The following TRABD2B variants were observed in gnomAD, a reference collection of about 807,000 sequenced individuals.
The protein encoded by TRABD2B is metalloprotease TIKI2.
Under a neutral mutation model 40.1 loss-of-function variants are expected in TRABD2B, and 14 were observed. The observed-to-expected ratio is 0.35, with a 90% CI of 0.23 to 0.55. TRABD2B has a LOEUF of 0.55. TRABD2B is among the 20% of genes least tolerant of loss of function. TRABD2B has a pLI of 0.90. For synonymous variants in TRABD2B, 263 were observed against 277.0 expected, an observed-to-expected ratio of 0.95 and a Z score of 0.50; for missense variants, 541 against 648.6, an observed-to-expected ratio of 0.83 and a Z score of 1.80.
At chr1:47,786,252 C>T (rs994899158) in intron 4 of TRABD2B, among the ~76,000 whole-genome samples, 1 of 152,120 alleles carries the variant, frequency 6.6e-6, no homozygotes, top group African/African-American at 2.4e-5. Flanking sequence ...GGTCCAAGCC[C>T]ATGCTTTTAA....
At chr1:47,965,742 T>C (rs971932242) in intron 2 of TRABD2B, among the ~76,000 whole-genome samples, 1 of 152,294 alleles carries the variant, frequency 6.6e-6, no homozygotes, top group African/African-American at 2.4e-5. Flanking sequence ...TTTAAGTCTA[T>C]GTTGAGTCTC....
chr1:47,890,371 C>G (rs905452997), intron 2 of TRABD2B, among the ~76,000 whole-genome samples: 3 of 152,156 alleles, frequency 2.0e-5, no homozygotes, highest in Non-Finnish European at 4.4e-5. Flanking sequence ...GTGGCAGGTA[C>G]AGTAACAGTA....
intron 2 of TRABD2B, among the ~76,000 whole-genome samples, chr1:47,971,835 C>T (rs145628735): frequency 1.3e-5 from 2 of 152,250 alleles, no homozygotes; most frequent in East Asian, 1.9e-4. Context: ...CCCACTCTCA[C>T]CCCAGATGAA....
intron 4 of TRABD2B, among the ~76,000 whole-genome samples, chr1:47,782,810 G>A (rs1304307506): frequency 1.3e-5 from 2 of 152,176 alleles, no homozygotes; most frequent in Admixed American, 1.3e-4. Flanking sequence ...CACCTATCCT[G>A]GAACCTGCAG....
At chr1:47,912,759 C>T (rs1644780222) in intron 2 of TRABD2B, among the ~76,000 whole-genome samples, 1 of 152,136 alleles carries the variant, frequency 6.6e-6, no homozygotes, top group South Asian at 2.1e-4. Context: ...TCTGTGTATG[C>T]TCAGCCTTGT....
rs1275907987 is a variant in TRABD2B at position 47,996,363 on chromosome 1, G to A, written c.102+325C>T. 1.3e-5 allele frequency among the ~76,000 whole-genome samples: 2 copies of A among 152,092 alleles called. No homozygotes were observed. Among genetic ancestry groups the A allele is most frequent in the Non-Finnish European group, 2.9e-5 (2 of 68,008 alleles). ...AGAAGCGGGCAGAGAGACCAGAAGG[G>A]TAAAGACAGAAAAAATATGAGAAAG... On this transcript the variant is annotated intron_variant, in intron 1 of 6. Coordinates refer to ENST00000606738, the MANE Select transcript of TRABD2B (RefSeq NM_001194986.2). This position sits in a 1 kb window ranked among gnomAD's most constrained non-coding sequence, Gnocchi z 4.6.
chr1:47,808,171 A>G (rs541427200), intron 2 of TRABD2B, among the ~76,000 whole-genome samples: 1 of 152,230 alleles, frequency 6.6e-6, no homozygotes, highest in Non-Finnish European at 1.5e-5. Context: ...TCAAAGAACA[A>G]GGAATTCTAC....
chr1:47,935,796 T>C (rs1176396292), intron 2 of TRABD2B, among the ~76,000 whole-genome samples: 1 of 152,256 alleles, frequency 6.6e-6, no homozygotes, highest in African/African-American at 2.4e-5. Context: ...ATCTCTTATA[T>C]GATATTTCAT....
intron 2 of TRABD2B, among the ~76,000 whole-genome samples, chr1:47,909,879 C>A (rs1644738879): frequency 6.9e-6 from 1 of 145,374 alleles, no homozygotes; most frequent in African/African-American, 2.6e-5. Context: ...TTTTGAGACA[C>A]TTTGGAACTG....
At position 47,762,064 on chromosome 1, in the gene TRABD2B, A is replaced by C. The variant is rs975980531; in HGVS notation, c.*3838T>G. The C allele has an allele frequency of 6.6e-6, 1 of 152,110 alleles. No individual in the cohort carries two copies. The highest frequency in any genetic ancestry group is 2.4e-5 in the African/African-American group (1 of 41,406). The allele number at this position is 152,110 out of a possible 1,614,324, so 9.4% of individuals were successfully genotyped here. On this transcript the variant is annotated 3_prime_UTR_variant, in exon 7 of 7. Transcript: ENST00000606738. ...TTGTGATAGATGCTAAGAAAGCACA[A>C]AGGAATGGGAGGGGGCTTCCTGGAG... is the stretch of plus-strand genomic sequence containing the variant.
At chr1:47,776,319 G>A (rs978863585) in intron 5 of TRABD2B, among the ~76,000 whole-genome samples, 1 of 152,172 alleles carries the variant, frequency 6.6e-6, no homozygotes, top group Non-Finnish European at 1.5e-5. Context: ...TGCAAGCCGT[G>A]TGATGAAGGG....
chr1:47,899,035 T>G (rs529938921), intron 2 of TRABD2B, among the ~76,000 whole-genome samples: 1 of 152,348 alleles, frequency 6.6e-6, no homozygotes, highest in Admixed American at 6.5e-5. Context: ...TACATCCATA[T>G]TTTTCCTCAG....
chr1:47,769,005 G>A (rs999469058), intron 6 of TRABD2B, among the ~76,000 whole-genome samples: 1 of 152,184 alleles, frequency 6.6e-6, no homozygotes. Context: ...GCCCATGAGC[G>A]AAGCGTGGGT....
rs978818661 is a variant in TRABD2B, at chr1:47,994,285, C to T, written c.415G>A (p.Ala139Thr). ...KLMMPSWMTP[A>T]QRGKGLYADY... ...GCATAGAGCCCCTTGCCCCGCTGAG[C>T]GGGCGTCATCCAGGAGGGCATCATC... The change falls in exon 2 of 7, where the codon GCT (alanine) becomes ACT (threonine). Residue 139 changes from alanine to threonine, a missense_variant. Transcript: ENST00000606738. This position sits in a 1 kb window ranked among gnomAD's most constrained non-coding sequence, Gnocchi z 6.7. 17 of 1,536,506 alleles carry T rather than the reference C, an allele frequency of 1.1e-5. No individual in the cohort carries two copies. The highest frequency in any genetic ancestry group is 2.4e-5 in the South Asian group (2 of 84,072).
At chr1:47,937,051 CCAT>C (rs1197561123) in intron 2 of TRABD2B, among the ~76,000 whole-genome samples, 3 of 147,828 alleles carry the variant, frequency 2.0e-5, no homozygotes, top group African/African-American at 5.0e-5. Flanking sequence ...ACCACCACCA[CCAT>C]CATTATCATC....
rs1644987652 is a variant in TRABD2B, at chr1:47,813,199, C to T, written c.667-11580G>A. 6.6e-6 allele frequency among the ~76,000 whole-genome samples: 1 copy of T among 152,198 alleles called. No homozygotes were observed. The highest frequency in any genetic ancestry group is 2.4e-5 in the African/African-American group (1 of 41,448). ...TCAGTATGAAATTCCTAGAGGGCCCCTCTAATTCCTCTGGTCTGACCACAT... is the reference window on the plus strand; with the variant it reads ...TCAGTATGAAATTCCTAGAGGGCCCTTCTAATTCCTCTGGTCTGACCACAT... On this transcript the variant is annotated intron_variant, in intron 2 of 6. Transcript: ENST00000606738. This position sits in a 1 kb window ranked among gnomAD's most constrained non-coding sequence, Gnocchi z 4.3.
At chr1:47,937,583 T>A (rs916079825) in intron 2 of TRABD2B, among the ~76,000 whole-genome samples, 3 of 152,102 alleles carry the variant, frequency 2.0e-5, no homozygotes, top group East Asian at 1.9e-4. Context: ...CAGGGTGACT[T>A]AGAGAGTCAG....
chr1:47,796,277 A>T (rs906456425), intron 3 of TRABD2B, among the ~76,000 whole-genome samples: 2 of 152,184 alleles, frequency 1.3e-5, no homozygotes, highest in African/African-American at 4.8e-5. Flanking sequence ...TCCTGCTCAC[A>T]GGATGGTTTC....
chr1:47,884,640 G>C (rs1644347203), intron 2 of TRABD2B, among the ~76,000 whole-genome samples: 1 of 152,054 alleles, frequency 6.6e-6, no homozygotes, highest in South Asian at 2.1e-4. Flanking sequence ...TTGAGACAGA[G>C]TCTCGCTCTG....
Sources: allele counts gnomAD v4.1 joint callset (sites outside exome capture counted in the v4.1 genomes callset), GRCh38; gene constraint gnomAD v4.1.1; non-coding constraint Gnocchi (gnomAD v3.1); transcripts MANE v1.5; gene names NCBI Gene and HGNC (gene_info 2026-07-23, HGNC 2026-07-21).